The following ARHGAP39 variants were observed in gnomAD, a reference collection of about 807,000 sequenced individuals.
ARHGAP39 encodes rho GTPase-activating protein 39.
In ARHGAP39, 44 loss-of-function variants were observed where a neutral mutation model predicts 106.9. The ratio of observed to expected loss-of-function variants is 0.41; its 90% CI spans 0.32 to 0.53. The LOEUF is 0.53. Among genes scored for constraint, ARHGAP39 ranks in the 20% least tolerant of loss-of-function variants. The pLI is 0.21. For synonymous variants in ARHGAP39, 768 were observed against 693.2 expected (o/e 1.11, Z -1.69); for missense variants, 1,496 against 1,577.3 (o/e 0.95, Z 0.87).
intron 1 of ARHGAP39, among the ~76,000 whole-genome samples, chr8:144,672,967 AG>A (rs1822136631): frequency 6.6e-6 from 1 of 152,222 alleles, no homozygotes; most frequent in Non-Finnish European, 1.5e-5. Context: ...CTGTAATCCC[AG>A]CACTTTGGGA....
chr8:144,530,644 A>AGGGGGGGGGGGGGGGGGGGGG (rs1586866084), intron 11 of ARHGAP39, 28 bp from the exon 12 acceptor site: 1 of 189,570 alleles, frequency 5.3e-6, no homozygotes, highest in Non-Finnish European at 6.9e-6. Context: ...GTGGGCGCGG[A>AGGGGGGGGGGGGGGGGGGGGG]GGGGCGGGGG....
chr8:144,587,728 C>T lies in ARHGAP39; in HGVS notation c.81-6451G>A, dbSNP rs183003886. On this transcript the variant is annotated intron_variant, in intron 2 of 11. Transcript: ENST00000377307. ...GGAGTGCGGTGGCGCGATCTCGGCTCGCTGCGACTTCTGCCTCCCAGGTTC... is the reference window on the plus strand; with the variant it reads ...GGAGTGCGGTGGCGCGATCTCGGCTTGCTGCGACTTCTGCCTCCCAGGTTC... 9.9e-5 allele frequency among the ~76,000 whole-genome samples: 15 copies of T among 151,086 alleles called. No homozygotes were observed. In the East Asian group the frequency reaches 1.4e-3, roughly 14 times the overall value.
chr8:144,563,445 A>C (rs1818278374), intron 3 of ARHGAP39, among the ~76,000 whole-genome samples: 1 of 152,154 alleles, frequency 6.6e-6, no homozygotes, highest in African/African-American at 2.4e-5. Context: ...CAAGACTAAA[A>C]GTCTCTGCAT....
intron 2 of ARHGAP39, among the ~76,000 whole-genome samples, chr8:144,598,151 A>G (rs886672159): frequency 6.6e-5 from 10 of 152,130 alleles, no homozygotes; most frequent in African/African-American, 2.4e-4. Flanking sequence ...AAGGCTGGAC[A>G]CCTGCGGGGC....
At chr8:144,605,866 C>T (rs1820271991) in intron 1 of ARHGAP39, 171 bp from the exon 2 acceptor site, 1 of 540,188 alleles carries the variant, frequency 1.9e-6, no homozygotes, top group Non-Finnish European at 3.3e-6. Context: ...TGATGCCTGG[C>T]CCTGCGTTGC....
chr8:144,594,421 G>A (rs1259799177), intron 2 of ARHGAP39, among the ~76,000 whole-genome samples: 1 of 152,302 alleles, frequency 6.6e-6, no homozygotes, highest in African/African-American at 2.4e-5. Context: ...CCGGCCAGGC[G>A]CAGTGGCTCA....
intron 3 of ARHGAP39, among the ~76,000 whole-genome samples, chr8:144,560,486 G>C (rs1818102178): frequency 6.6e-6 from 1 of 152,216 alleles, no homozygotes; most frequent in African/African-American, 2.4e-5. Context: ...AAGTTGGCTG[G>C]TGGTCAATAT....
chr8:144,681,987 G>A (rs1417059642), intron 1 of ARHGAP39, among the ~76,000 whole-genome samples: 1 of 152,142 alleles, frequency 6.6e-6, no homozygotes, highest in African/African-American at 2.4e-5. Context: ...CTTACTTCTC[G>A]GCCGGGTGCG....
At chr8:144,589,896 G>A (rs962973012) in intron 2 of ARHGAP39, among the ~76,000 whole-genome samples, 4 of 152,240 alleles carry the variant, frequency 2.6e-5, no homozygotes, top group African/African-American at 7.2e-5. Flanking sequence ...ACAGAGGGGC[G>A]TGAGGAACCT....
chr8:144,607,077 C>CA (rs1820320014), intron 1 of ARHGAP39, among the ~76,000 whole-genome samples: 1 of 149,136 alleles, frequency 6.7e-6, no homozygotes, highest in South Asian at 2.1e-4. Flanking sequence ...TGTAATCTGA[C>CA]AAAGGGCCAC....
rs1056710587 is a variant in ARHGAP39 at position 144,647,532 on chromosome 8, G to T, written c.-82+38154C>A. ...CCCACCCTGCTGCCCACACTGCCCT[G>T]TGCACTGCTGTCAGCCACGCCTGAA... On this transcript the variant is annotated intron_variant, in intron 1 of 11. Transcript: ENST00000377307. The surrounding 1 kb of genome is among the most constrained non-coding windows in gnomAD (Gnocchi z 4.8). Among the ~76,000 whole-genome samples, 1 of 152,224 alleles carries T rather than the reference G, an allele frequency of 6.6e-6. No homozygotes were observed. The highest frequency in any genetic ancestry group is 2.4e-5 in the African/African-American group (1 of 41,458).
chr8:144,554,176 C>A (rs577804383), intron 4 of ARHGAP39, among the ~76,000 whole-genome samples: 1 of 152,200 alleles, frequency 6.6e-6, no homozygotes, highest in Non-Finnish European at 1.5e-5. Flanking sequence ...GATCCTTGGA[C>A]CTTCGTGGAG....
At chr8:144,584,087 G>A (rs1347556208) in intron 2 of ARHGAP39, 1 of 152,272 alleles carries the variant, frequency 6.6e-6, no homozygotes, top group African/African-American at 2.4e-5. Context: ...AGTGGCATAT[G>A]TGTTTACATG....
chr8:144,618,691 G>A (rs1820703096), intron 1 of ARHGAP39, among the ~76,000 whole-genome samples: 1 of 152,212 alleles, frequency 6.6e-6, no homozygotes, highest in Non-Finnish European at 1.5e-5. Flanking sequence ...GGAGGTCCCT[G>A]AAGAGGCCGG....
chr8:144,663,345 T>C lies in ARHGAP39; in HGVS notation c.-82+22341A>G, dbSNP rs150811178. On this transcript the variant is annotated intron_variant, in intron 1 of 11. Transcript: ENST00000377307. ...TGGTGAGGCCTCAGGAACCTTCCAT[T>C]CCTGGCAGACAGGAATGAGAGCTGG... Among the ~76,000 whole-genome samples, 24 of 152,130 alleles carry C rather than the reference T, an allele frequency of 1.6e-4. No individual in the cohort carries two copies. The East Asian group carries it at 4.6e-3, about 29-fold the overall frequency.
chr8:144,613,369 T>C (rs1395274620), intron 1 of ARHGAP39, among the ~76,000 whole-genome samples: 1 of 152,242 alleles, frequency 6.6e-6, no homozygotes, highest in Admixed American at 6.5e-5. Context: ...CTAAAGCATC[T>C]GTAACATTTC....
At chr8:144,655,419 A>C (rs1043430993) in intron 1 of ARHGAP39, among the ~76,000 whole-genome samples, 2 of 152,188 alleles carry the variant, frequency 1.3e-5, no homozygotes, top group African/African-American at 4.8e-5. Flanking sequence ...CTGGCTACAA[A>C]GAGGAGCAGC....
At chr8:144,535,727 GCTTGGGACTGGGACACC>G (rs1816927717) in intron 7 of ARHGAP39, among the ~76,000 whole-genome samples, 1 of 152,240 alleles carries the variant, frequency 6.6e-6, no homozygotes, top group African/African-American at 2.4e-5. Flanking sequence ...GCCTGAGCCT[GCTTGGGACTGGGACACC>G]CTCCAACACT....
intron 1 of ARHGAP39, among the ~76,000 whole-genome samples, chr8:144,640,461 G>A (rs1270497791): frequency 6.6e-6 from 1 of 152,176 alleles, no homozygotes; most frequent in East Asian, 1.9e-4. Context: ...TTTGCCTGCT[G>A]CCATCCAGGT....
Sources: gnomAD v4.1 joint callset for allele counts (sites outside exome capture counted in the v4.1 genomes callset) on GRCh38, gnomAD v4.1.1 for gene constraint, Gnocchi (gnomAD v3.1) non-coding constraint, MANE v1.5 for transcripts, NCBI Gene and HGNC (gene_info 2026-07-23, HGNC 2026-07-21) for gene names.